CCDC13: variants seen among roughly 807,000 people sequenced by gnomAD.
CCDC13 encodes coiled-coil domain containing 13.
Under a neutral mutation model 87.3 loss-of-function variants are expected in CCDC13, and 70 were observed. The observed-to-expected ratio is 0.80, with a 90% CI of 0.66 to 0.98. The LOEUF (loss-of-function observed/expected upper bound fraction) is 0.98. CCDC13 is among the 50% of genes least tolerant of loss of function. CCDC13 has a pLI of 0.00. For missense variants in CCDC13, 842 were observed against 892.0 expected (o/e 0.94, Z 0.71); for synonymous variants, 317 against 360.3 (o/e 0.88, Z 1.36).
At chr3:42,721,784 T>G (rs765218344) in intron 13 of CCDC13, among the ~76,000 whole-genome samples, 2 of 152,362 alleles carry the variant, frequency 1.3e-5, no homozygotes, top group South Asian at 4.1e-4. Flanking sequence ...GTGCTTTCCT[T>G]TAAGGAATCA....
chr3:42,734,656 C>T (rs573195756), intron 10 of CCDC13, among the ~76,000 whole-genome samples: 10 of 152,336 alleles, frequency 6.6e-5, no homozygotes, highest in South Asian at 2.1e-4. Context: ...GAACAAACCA[C>T]GGATCCCCAG....
intron 9 of CCDC13, 38 bp from the exon 10 acceptor site, chr3:42,735,951 T>C (rs1409214346): frequency 6.3e-7 from 1 of 1,584,594 alleles, no homozygotes; most frequent in Non-Finnish European, 8.6e-7. Context: ...GAGTCAGTCA[T>C]GGCCCTTTGG....
Position 42,709,691 on chromosome 3 carries a change from T to G in CCDC13, c.1981A>C (p.Thr661Pro). ...VPVESQMEEL[T>P]TRLAIQVEEN... is the part of the protein sequence containing the mutation. The stretch of plus-strand genomic sequence containing the variant: ...GGCGGGGCAGGGGAGCACCTGGTTG[T>G]CAGCTCTTCCATTTGGGATTCCACG... Residue 661 changes from threonine to proline, a missense_variant, in exon 15 of 16, where the codon ACA becomes CCA. By Grantham distance (38) the Thr-to-Pro change is conservative (BLOSUM62 -1). Coordinates refer to ENST00000310232, the MANE Select transcript of CCDC13 (RefSeq NM_144719.4). The G allele has an allele frequency of 1.2e-6, 2 of 1,613,834 alleles. No homozygotes were observed. The highest frequency in any genetic ancestry group is 1.7e-6 in the Non-Finnish European group (2 of 1,179,710).
chr3:42,730,429 C>T (rs763206175), intron 13 of CCDC13, 38 bp downstream of exon 13: 8 of 1,598,642 alleles, frequency 5.0e-6, no homozygotes, highest in Non-Finnish European at 6.9e-6. Context: ...CCACCACATG[C>T]AGGCCTATGG....
At chr3:42,765,602 G>A (rs926441489) in intron 1 of CCDC13, among the ~76,000 whole-genome samples, 5 of 152,134 alleles carry the variant, frequency 3.3e-5, no homozygotes, top group African/African-American at 4.8e-5. Context: ...CTTCCCAGGT[G>A]AGCCTAACGT....
At chr3:42,772,757 G>A (rs1256665351) in intron 1 of CCDC13, among the ~76,000 whole-genome samples, 1 of 152,134 alleles carries the variant, frequency 6.6e-6, no homozygotes, top group East Asian at 1.9e-4. Context: ...GTGGGGGCTG[G>A]GCCTGGAAGG....
chr3:42,711,400 T>A (rs1698311390), intron 14 of CCDC13, among the ~76,000 whole-genome samples: 1 of 152,244 alleles, frequency 6.6e-6, no homozygotes, highest in African/African-American at 2.4e-5. Context: ...TTTCGCCCTC[T>A]GCTGAGAGGC....
chr3:42,736,533 C>T (rs953239723), intron 9 of CCDC13, among the ~76,000 whole-genome samples: 1 of 152,112 alleles, frequency 6.6e-6, no homozygotes, highest in African/African-American at 2.4e-5. Context: ...CTTTCAATGA[C>T]AAAGAATGGT....
chr3:42,751,912 C>G, intron 5 of CCDC13, 24 bp downstream of exon 5: 1 of 1,606,452 alleles, frequency 6.2e-7, no homozygotes, highest in Non-Finnish European at 8.5e-7. Context: ...TCACAGACTT[C>G]CCAGCACAGA....
rs748617136 is a variant in CCDC13, at chr3:42,747,275, C to T, written c.702G>A (p.Glu234=). Residue 234 remains glutamate (E), a synonymous_variant, in exon 6 of 16, where the codon GAG becomes GAA. Transcript: ENST00000310232. The part of the protein sequence containing the change: ...LRNQIQSVKQ[E]LRMAQKVLAR... ...GAAAGACCTTCTGTGCCATCCGCAG[C>T]TCCTGCTTCACAGACTGGATCTGGT... The T allele has an allele frequency of 1.2e-6, 2 of 1,614,060 alleles. No homozygotes were observed. The highest frequency in any genetic ancestry group is 1.7e-5 in the Admixed American group (1 of 60,028).
chr3:42,719,378 C>G (rs1698505257), intron 13 of CCDC13: 1 of 123,148 alleles, frequency 8.1e-6, no homozygotes, highest in African/African-American at 3.2e-5. Flanking sequence ...TCAGGCAGTG[C>G]TTTCCTCTCT....
intron 10 of CCDC13, 94 bp downstream of exon 10, chr3:42,735,612 TG>T: frequency 7.6e-7 from 1 of 1,317,796 alleles, no homozygotes; most frequent in Non-Finnish European, 1.1e-6. Flanking sequence ...GGATGAAGTC[TG>T]GCCTGAGCTA....
intron 13 of CCDC13, among the ~76,000 whole-genome samples, chr3:42,724,963 T>C (rs1362423898): frequency 6.6e-6 from 1 of 152,108 alleles, no homozygotes; most frequent in Non-Finnish European, 1.5e-5. Context: ...ATATATATGA[T>C]ACATAAAGTG....
At chr3:42,772,079 C>T (rs1428395443) in intron 1 of CCDC13, among the ~76,000 whole-genome samples, 1 of 151,688 alleles carries the variant, frequency 6.6e-6, no homozygotes, top group Non-Finnish European at 1.5e-5. Context: ...TGAGACCAGC[C>T]TGGCCAACAT....
At chr3:42,770,460 G>T (rs890403803) in intron 1 of CCDC13, among the ~76,000 whole-genome samples, 2 of 152,204 alleles carry the variant, frequency 1.3e-5, no homozygotes, top group Non-Finnish European at 2.9e-5. Context: ...AATTGTAAAT[G>T]CACCAATCAG....
At chr3:42,742,777 G>A (rs1699260651) in intron 8 of CCDC13, 119 bp downstream of exon 8, 1 of 1,286,742 alleles carries the variant, frequency 7.8e-7, no homozygotes, top group African/African-American at 1.5e-5. Flanking sequence ...GTCCCCAGGT[G>A]TCTCCTGCCT....
Position 42,709,897 on chromosome 3 carries a change from T to C in CCDC13, c.1874-99A>G, listed in dbSNP as rs867129159. The C allele has an allele frequency of 1.3e-5, 12 of 916,508 alleles. No individual in the cohort carries two copies. In the South Asian group the frequency reaches 1.7e-4, roughly 13 times the overall value. 56.8% of individuals were successfully genotyped at this position (916,508 alleles called of 1,614,324 possible). ...ATTGCCCACTGCCTGCTCTTCCACA[T>C]GGTGAAACGCTACACCGCCTTCGGG... On this transcript the variant is annotated intron_variant, in intron 14 of 15. Transcript: ENST00000310232.
At chr3:42,709,556 A>G in intron 15 of CCDC13, 128 bp downstream of exon 15, 1 of 768,008 alleles carries the variant, frequency 1.3e-6, no homozygotes, top group Non-Finnish European at 2.2e-6. Context: ...AGAACCCAGG[A>G]CCAAACAGGA....
Position 42,713,145 on chromosome 3 carries a change from A to G in CCDC13, c.1873+17T>C. The G allele has an allele frequency of 6.2e-7, 1 of 1,611,894 alleles. No individual in the cohort carries two copies. Among genetic ancestry groups the G allele is most frequent in the Non-Finnish European group, 8.5e-7 (1 of 1,178,860 alleles). On this transcript the variant is annotated intron_variant, in intron 14 of 15. Coordinates refer to ENST00000310232, the MANE Select transcript of CCDC13 (RefSeq NM_144719.4). ...TGCCTCCACCCCCTGCACTGAGACT[A>G]CTGCCCTGGCCCCTACCTGTTTTGG...
Sources: gnomAD v4.1 joint callset for allele counts (sites outside exome capture counted in the v4.1 genomes callset) on GRCh38, gnomAD v4.1.1 for gene constraint, MANE v1.5 for transcripts, NCBI Gene and HGNC (gene_info 2026-07-23, HGNC 2026-07-21) for gene names.